CA12: variants seen among roughly 807,000 people sequenced by gnomAD.
CA12 encodes carbonic anhydrase 12, also known as carbonate dehydratase XII.
Under a neutral mutation model 46.8 loss-of-function variants are expected in CA12, and 36 were observed. The ratio of observed to expected loss-of-function variants is 0.77; its 90% CI spans 0.59 to 1.02. The LOEUF (loss-of-function observed/expected upper bound fraction) is 1.02. Ranked by LOEUF, CA12 falls within the 50% of genes least tolerant of loss-of-function variation. The probability of loss-of-function intolerance (pLI) is 0.00; values close to 1 mark genes in which losing one functional copy is unlikely to be tolerated. For synonymous variants in CA12, 202 were observed against 187.0 expected, an observed-to-expected ratio of 1.08 and a Z score of -0.65; for missense variants, 436 against 451.4, an observed-to-expected ratio of 0.97 and a Z score of 0.31.
chr15:63,353,172 C>T (rs2039255266), intron 2 of CA12, among the ~76,000 whole-genome samples: 1 of 152,002 alleles, frequency 6.6e-6, no homozygotes, highest in Non-Finnish European at 1.5e-5. Context: ...TTGCAATCTG[C>T]AATGAGCGCT....
chr15:63,377,468 T>C (rs2039591627), intron 1 of CA12, among the ~76,000 whole-genome samples: 1 of 145,026 alleles, frequency 6.9e-6, no homozygotes. Context: ...AGTTAAAAAG[T>C]GAACTTGGCT....
intron 1 of CA12, among the ~76,000 whole-genome samples, chr15:63,379,490 A>T (rs187760953): frequency 9.5e-4 from 144 of 152,324 alleles, no homozygotes; most frequent in Non-Finnish European, 3.2e-4. Context: ...CTGATTCCAC[A>T]AGCGAGGCCA....
At chr15:63,359,528 T>TAC (rs775193203) in intron 2 of CA12, among the ~76,000 whole-genome samples, 1 of 151,618 alleles carries the variant, frequency 6.6e-6, no homozygotes, top group African/African-American at 2.4e-5. Flanking sequence ...CACACACACA[T>TAC]ACACACACAC....
intron 2 of CA12, among the ~76,000 whole-genome samples, chr15:63,371,974 A>G (rs1432556025): frequency 6.6e-6 from 1 of 152,152 alleles, no homozygotes; most frequent in Non-Finnish European, 1.5e-5. Context: ...TTTATTGAAT[A>G]TGAAATATAT....
Position 63,378,961 on chromosome 15 carries a change from C to A in CA12, c.85+2675G>T, listed in dbSNP as rs1567057829. 2 of 152,274 alleles carry A rather than the reference C, an allele frequency of 1.3e-5. No individual in the cohort carries two copies. The highest frequency in any genetic ancestry group is 2.9e-5 in the Non-Finnish European group (2 of 68,072). 9.4% of individuals were successfully genotyped at this position (152,274 alleles called of 1,614,324 possible). ...ATTCAAATCATAGCCTTATACCCTA[C>A]ATCTTCTGCTACCCTCCCAGGGCTC... On this transcript the variant is annotated intron_variant, in intron 1 of 10. Transcript: ENST00000178638. This position sits in a 1 kb window ranked among gnomAD's most constrained non-coding sequence, Gnocchi z 4.8.
At position 63,325,792 on chromosome 15, in the gene CA12, C is replaced by A. The variant is rs1190252019; in HGVS notation, c.*493G>T. ...GTAAGGTGCAGATTAAAGGTTTTGT[C>A]ATAGCAGAAGGAAATCAGAGGGAGA... On this transcript the variant is annotated 3_prime_UTR_variant, in exon 11 of 11. Coordinates refer to ENST00000178638, the MANE Select transcript of CA12 (RefSeq NM_001218.5). This position sits in a 1 kb window ranked among gnomAD's most constrained non-coding sequence, Gnocchi z 4.9. The A allele has an allele frequency of 2.3e-5, 5 of 214,710 alleles. No individual in the cohort carries two copies. The highest frequency in any genetic ancestry group is 4.8e-5 in the Non-Finnish European group (5 of 105,238). The allele number at this position is 214,710 out of a possible 1,614,324, so 13.3% of individuals were successfully genotyped here. A position where few individuals can be genotyped will look rare whatever the true frequency, so the allele number is the denominator to read the frequency against.
At chr15:63,376,212 G>A (rs922762983) in intron 1 of CA12, among the ~76,000 whole-genome samples, 1 of 152,228 alleles carries the variant, frequency 6.6e-6, no homozygotes, top group Non-Finnish European at 1.5e-5. Flanking sequence ...GCTCATGGAA[G>A]CAGGAGGGGG....
rs1298493968 is a variant in CA12, at chr15:63,325,340, GA to G, written c.*944del. 1 of 152,086 alleles carries G rather than the reference GA, an allele frequency of 6.6e-6. No homozygotes were observed. The highest frequency in any genetic ancestry group is 1.9e-4 in the East Asian group (1 of 5,202). 9.4% of individuals were successfully genotyped at this position (152,086 alleles called of 1,614,324 possible). ...TTCAAAGGCAGATTGGGTCATCTCG[GA>G]ACTCATGTCTCCTCCAGGACACAGC... On this transcript the variant is annotated 3_prime_UTR_variant, in exon 11 of 11. Coordinates refer to ENST00000178638, the MANE Select transcript of CA12 (RefSeq NM_001218.5). The surrounding 1 kb of genome is among the most constrained non-coding windows in gnomAD (Gnocchi z 4.9).
At position 63,340,227 on chromosome 15, in the gene CA12, T is replaced by C; in HGVS notation, c.747+61A>G. Reference sequence around the variant, plus strand: ...GGAAATCAAGTCATTGATTGTGATATGGAGGATGATGGGGACTGAGGTGCC... The same window carrying C: ...GGAAATCAAGTCATTGATTGTGATACGGAGGATGATGGGGACTGAGGTGCC... On this transcript the variant is annotated intron_variant, in intron 7 of 10. Coordinates refer to ENST00000178638, the MANE Select transcript of CA12 (RefSeq NM_001218.5). This position sits in a 1 kb window ranked among gnomAD's most constrained non-coding sequence, Gnocchi z 4.4. 6.4e-7 allele frequency: 1 copy of C among 1,564,644 alleles called. No individual in the cohort carries two copies. The highest frequency in any genetic ancestry group is 1.1e-5 in the South Asian group (1 of 89,714).
chr15:63,338,555 C>A (rs1459241895), intron 8 of CA12, among the ~76,000 whole-genome samples: 1 of 152,196 alleles, frequency 6.6e-6, no homozygotes, highest in Non-Finnish European at 1.5e-5. Context: ...TCTTACCCAT[C>A]TGTGCAAGAC....
Position 63,326,441 on chromosome 15 carries a change from C to A in CA12, c.993-84G>T, listed in dbSNP as rs2038868169. 8 of 1,125,700 alleles carry A rather than the reference C, an allele frequency of 7.1e-6. No individual in the cohort carries two copies. In the South Asian group the frequency reaches 9.9e-5, roughly 14 times the overall value. 69.7% of individuals were successfully genotyped at this position (1,125,700 alleles called of 1,614,324 possible). On this transcript the variant is annotated intron_variant, in intron 10 of 10. Transcript: ENST00000178638. Reference sequence around the variant, plus strand: ...AGCCTGACTCAGGTATGGAATGAGGCCGTTTTTAAAAGTTGGATTCCTCTC... The same window carrying A: ...AGCCTGACTCAGGTATGGAATGAGGACGTTTTTAAAAGTTGGATTCCTCTC...
chr15:63,377,361 C>G (rs2039590656), intron 1 of CA12, among the ~76,000 whole-genome samples: 2 of 152,186 alleles, frequency 1.3e-5, no homozygotes, highest in African/African-American at 4.8e-5. Flanking sequence ...TCCCCTTTCT[C>G]TCGTGGGAAT....
chr15:63,327,644 T>C lies in CA12; in HGVS notation c.908-411A>G, dbSNP rs1165025038. On this transcript the variant is annotated intron_variant, in intron 9 of 10. Transcript: ENST00000178638. This position sits in a 1 kb window ranked among gnomAD's most constrained non-coding sequence, Gnocchi z 4.5. ...AACCACACTTTGATAAGCCCTGGGC[T>C]ACACAAATAAGAACTTACTCTGTCT... is the stretch of plus-strand genomic sequence containing the variant. Among the ~76,000 whole-genome samples, 1 of 152,174 alleles carries C rather than the reference T, an allele frequency of 6.6e-6. No homozygotes were observed. Among genetic ancestry groups the C allele is most frequent in the African/African-American group, 2.4e-5 (1 of 41,432 alleles).
chr15:63,342,087 A>G lies in CA12; in HGVS notation c.440T>C (p.Val147Ala). The G allele has an allele frequency of 6.2e-7, 1 of 1,613,230 alleles. No homozygotes were observed. The highest frequency in any genetic ancestry group is 8.5e-7 in the Non-Finnish European group (1 of 1,179,248). Residue 147 changes from valine to alanine, a missense_variant, in exon 5 of 11, where the codon GTC becomes GCC. Val to Ala is a moderately conservative substitution (Grantham distance 64). Coordinates refer to ENST00000178638, the MANE Select transcript of CA12 (RefSeq NM_001218.5). The stretch of plus-strand genomic sequence containing the variant: ...AGGATAAAGGTCTGAGTTATAATGG[A>G]CAATGTGCAGCTGCAGTGGGGGAGA... The part of the protein sequence containing the change: ...GQHFAAELHI[V>A]HYNSDLYPDA...
At chr15:63,375,284 G>C (rs2039556460) in intron 2 of CA12, among the ~76,000 whole-genome samples, 1 of 152,170 alleles carries the variant, frequency 6.6e-6, no homozygotes, top group Non-Finnish European at 1.5e-5. Flanking sequence ...TTTCTTCTTT[G>C]TTTATAATAG....
intron 4 of CA12, among the ~76,000 whole-genome samples, chr15:63,344,581 C>T (rs886390338): frequency 6.6e-6 from 1 of 152,212 alleles, no homozygotes; most frequent in African/African-American, 2.4e-5. Flanking sequence ...CAGATCCTAT[C>T]CCTTCCATGC....
chr15:63,367,395 C>T (rs995279491), intron 2 of CA12, among the ~76,000 whole-genome samples: 3 of 152,208 alleles, frequency 2.0e-5, no homozygotes, highest in African/African-American at 7.2e-5. Context: ...ATCTTTTCTC[C>T]TTTCTCCATT....
At chr15:63,344,949 C>T (rs1219532211) in intron 4 of CA12, among the ~76,000 whole-genome samples, 1 of 152,138 alleles carries the variant, frequency 6.6e-6, no homozygotes, top group African/African-American at 2.4e-5. Context: ...TGATGCCCTG[C>T]ACATTAGACT....
intron 8 of CA12, 85 bp downstream of exon 8, chr15:63,338,734 A>G: frequency 6.4e-7 from 1 of 1,569,406 alleles, no homozygotes; most frequent in Non-Finnish European, 8.7e-7. Flanking sequence ...TGAGGGCATC[A>G]GTGCCAGAGC....
Sources: gnomAD v4.1 joint callset for allele counts (sites outside exome capture counted in the v4.1 genomes callset) on GRCh38, gnomAD v4.1.1 for gene constraint, Gnocchi (gnomAD v3.1) non-coding constraint, MANE v1.5 for transcripts, NCBI Gene and HGNC (gene_info 2026-07-23, HGNC 2026-07-21) for gene names.